TMEM11: variants seen among roughly 807,000 people sequenced by gnomAD.
TMEM11 encodes transmembrane protein 11.
TMEM11 carries 1 observed loss-of-function variant against 17.0 expected under a neutral mutation model. The ratio of observed to expected loss-of-function variants is 0.06; its 90% CI spans 0.02 to 0.28. The LOEUF is 0.28. TMEM11 is among the 10% of genes least tolerant of loss of function. The pLI is 1.00. For synonymous variants in TMEM11, 122 were observed against 118.1 expected (o/e 1.03, Z -0.21); for missense variants, 172 against 252.9 (o/e 0.68, Z 2.17).
chr17:21,214,028 C>A, intron 1 of TMEM11, 63 bp downstream of exon 1: 2 of 1,499,440 alleles, frequency 1.3e-6, no homozygotes, highest in Admixed American at 1.9e-5. Context: ...CCCTCGGAGG[C>A]CGCGCTGGGC....
At chr17:21,210,509 G>C (rs9646447) in intron 1 of TMEM11, among the ~76,000 whole-genome samples, 47,802 of 151,968 alleles carry the variant, frequency 0.31, 7,646 homozygotes, top group Middle Eastern at 0.38. Context: ...TACTCCCAAA[G>C]CCTGAGAGTC....
At chr17:21,202,843 TGGG>T (rs2061745700) in intron 1 of TMEM11, among the ~76,000 whole-genome samples, 1 of 152,196 alleles carries the variant, frequency 6.6e-6, no homozygotes, top group Non-Finnish European at 1.5e-5. Context: ...CACGTGGACA[TGGG>T]GGCACTCGCC....
intron 1 of TMEM11, chr17:21,211,154 G>A (rs1366111344): frequency 7.8e-7 from 1 of 1,289,756 alleles, no homozygotes; most frequent in Non-Finnish European, 1.0e-6. Flanking sequence ...CGTTGCCAGT[G>A]TGCTGAATTT....
At chr17:21,210,763 C>A (rs1974994471) in intron 1 of TMEM11, among the ~76,000 whole-genome samples, 1 of 152,216 alleles carries the variant, frequency 6.6e-6, no homozygotes, top group South Asian at 2.1e-4. Flanking sequence ...GCCGCGCAAG[C>A]CAGGGGAGGG....
intron 1 of TMEM11, among the ~76,000 whole-genome samples, chr17:21,203,182 G>A (rs1358914821): frequency 6.6e-6 from 1 of 152,228 alleles, no homozygotes; most frequent in East Asian, 1.9e-4. Context: ...TAAGGCAACA[G>A]ACCCTATATG....
At chr17:21,200,068 T>C (rs1567635066) in intron 1 of TMEM11, among the ~76,000 whole-genome samples, 1 of 152,144 alleles carries the variant, frequency 6.6e-6, no homozygotes, top group African/African-American at 2.4e-5. Context: ...GGGATGCATG[T>C]CATGACCCCA....
At chr17:21,200,744 C>G (rs560478494) in intron 1 of TMEM11, among the ~76,000 whole-genome samples, 1 of 152,202 alleles carries the variant, frequency 6.6e-6, no homozygotes, top group Non-Finnish European at 1.5e-5. Context: ...TCATGGCTAA[C>G]GAGAAGCACA....
chr17:21,200,065 A>C (rs1974866380), intron 1 of TMEM11, among the ~76,000 whole-genome samples: 1 of 152,186 alleles, frequency 6.6e-6, no homozygotes, highest in Admixed American at 6.5e-5. Context: ...CTGGGGATGC[A>C]TGTCATGACC....
At chr17:21,203,066 A>G (rs1974899989) in intron 1 of TMEM11, among the ~76,000 whole-genome samples, 1 of 152,252 alleles carries the variant, frequency 6.6e-6, no homozygotes, top group Admixed American at 6.5e-5. Context: ...CTGAGGCCAG[A>G]GGCTCACCAA....
At chr17:21,207,589 T>C (rs1974955796) in intron 1 of TMEM11, among the ~76,000 whole-genome samples, 1 of 151,100 alleles carries the variant, frequency 6.6e-6, no homozygotes, top group Admixed American at 6.6e-5. Flanking sequence ...AAAGGTGCTA[T>C]ACATGAAAAT....
At chr17:21,202,459 G>A (rs1974892858) in intron 1 of TMEM11, among the ~76,000 whole-genome samples, 1 of 152,218 alleles carries the variant, frequency 6.6e-6, no homozygotes, top group African/African-American at 2.4e-5. Flanking sequence ...CCTGAATGTA[G>A]TGAAAACCAC....
At chr17:21,206,506 T>C (rs1039214213) in intron 1 of TMEM11, among the ~76,000 whole-genome samples, 7 of 152,000 alleles carry the variant, frequency 4.6e-5, no homozygotes, top group Non-Finnish European at 1.0e-4. Flanking sequence ...TAAGAGCCAT[T>C]GTACCTGGTC....
intron 1 of TMEM11, among the ~76,000 whole-genome samples, chr17:21,210,695 G>A (rs1208132034): frequency 6.6e-6 from 1 of 152,208 alleles, no homozygotes. Flanking sequence ...AGCATGGCAA[G>A]GAAAGCCATG....
In TMEM11 at chr17:21,201,717, G is replaced by A. The variant is rs546524042; in HGVS notation, c.63-2877C>T. Among the ~76,000 whole-genome samples the A allele has an allele frequency of 2.0e-5, 3 of 152,224 alleles. No individual in the cohort carries two copies. The South Asian group carries it at 6.2e-4, about 32-fold the overall frequency. On this transcript the variant is annotated intron_variant, in intron 1 of 1. Transcript: ENST00000317635. ...GCTGATGGCAGCCTCGACCTCCCGG[G>A]TTCAAGAGATCCTCCCACCTCTGCC...
chr17:21,201,302 T>G (rs1974880955), intron 1 of TMEM11, among the ~76,000 whole-genome samples: 1 of 152,204 alleles, frequency 6.6e-6, no homozygotes, highest in African/African-American at 2.4e-5. Flanking sequence ...AAAAAGTCAC[T>G]GTAACTAAGC....
chr17:21,212,956 G>A (rs1222709107), intron 1 of TMEM11, among the ~76,000 whole-genome samples: 2 of 152,194 alleles, frequency 1.3e-5, no homozygotes, highest in Non-Finnish European at 2.9e-5. Flanking sequence ...GGCAACGCTG[G>A]ATAACTGGGC....
intron 1 of TMEM11, among the ~76,000 whole-genome samples, chr17:21,199,825 A>G (rs533731334): frequency 1.3e-5 from 2 of 152,284 alleles, no homozygotes; most frequent in South Asian, 4.2e-4. Flanking sequence ...CCCACTGCAT[A>G]GGAAAAGCGA....
At chr17:21,206,639 C>A (rs1180894643) in intron 1 of TMEM11, among the ~76,000 whole-genome samples, 1 of 152,094 alleles carries the variant, frequency 6.6e-6, no homozygotes, top group Non-Finnish European at 1.5e-5. Flanking sequence ...TGGGTTCAAG[C>A]AATTCTCTTG....
chr17:21,202,005 G>A (rs1205314221), intron 1 of TMEM11, among the ~76,000 whole-genome samples: 4 of 152,220 alleles, frequency 2.6e-5, no homozygotes, highest in Non-Finnish European at 5.9e-5. Flanking sequence ...GCGCTGGAAA[G>A]CTGAAGGCCG....
Sources: allele counts gnomAD v4.1 joint callset (sites outside exome capture counted in the v4.1 genomes callset), GRCh38; gene constraint gnomAD v4.1.1; transcripts MANE v1.5; gene names NCBI Gene and HGNC (gene_info 2026-07-23, HGNC 2026-07-21).